The following DNAH9 variants were observed in gnomAD, a reference collection of about 807,000 sequenced individuals.
DNAH9 encodes dynein axonemal heavy chain 9.
In DNAH9, 345 loss-of-function variants were observed where a neutral mutation model predicts 471.6. That is an observed-to-expected ratio of 0.73 (90% CI 0.67 to 0.80). The LOEUF is 0.80. DNAH9 is among the 30% of genes least tolerant of loss of function. DNAH9 has a pLI of 0.00. For synonymous variants in DNAH9, 2,093 were observed against 2,123.6 expected (o/e 0.99, Z 0.40); for missense variants, 5,407 against 5,609.2 (o/e 0.96, Z 1.15).
At chr17:11,900,774 G>A (rs1458931460) in intron 59 of DNAH9, among the ~76,000 whole-genome samples, 2 of 152,186 alleles carry the variant, frequency 1.3e-5, no homozygotes, top group Non-Finnish European at 2.9e-5. Context: ...AAAAACTCAT[G>A]GCACTGTGGT....
intron 48 of DNAH9, among the ~76,000 whole-genome samples, chr17:11,827,411 A>G (rs1970535422): frequency 6.6e-6 from 1 of 152,220 alleles, no homozygotes; most frequent in Non-Finnish European, 1.5e-5. Context: ...AGGACCAAGT[A>G]TCTCACATGG....
intron 65 of DNAH9, among the ~76,000 whole-genome samples, chr17:11,935,390 T>TTTG (rs1974673428): frequency 6.7e-6 from 1 of 148,326 alleles, no homozygotes; most frequent in Non-Finnish European, 1.5e-5. Flanking sequence ...TTTTTTTTTT[T>TTTG]TATAAGACGG....
At chr17:11,951,939 A>T (rs1405485941) in intron 67 of DNAH9, among the ~76,000 whole-genome samples, 2 of 151,428 alleles carry the variant, frequency 1.3e-5, no homozygotes, top group African/African-American at 4.9e-5. Context: ...AAAAAAAAAA[A>T]TTAATTAAAA....
chr17:11,688,791 T>A (rs912280393), intron 19 of DNAH9, among the ~76,000 whole-genome samples: 3 of 152,082 alleles, frequency 2.0e-5, no homozygotes, highest in Non-Finnish European at 2.9e-5. Flanking sequence ...GAGTCCCAGC[T>A]CTCCCACTTA....
intron 43 of DNAH9, among the ~76,000 whole-genome samples, chr17:11,804,893 C>A (rs959029324): frequency 3.3e-5 from 5 of 149,628 alleles, no homozygotes; most frequent in African/African-American, 4.9e-5. Flanking sequence ...AAAAAAAGTT[C>A]TTTGGGGGCC....
At chr17:11,915,198 A>G (rs1342327236) in intron 61 of DNAH9, among the ~76,000 whole-genome samples, 9 of 152,104 alleles carry the variant, frequency 5.9e-5, no homozygotes, top group Admixed American at 5.2e-4. Flanking sequence ...TAAATCTCAA[A>G]TGTGATTGTA....
At chr17:11,874,789 C>A in intron 52 of DNAH9, 160 bp from the exon 53 acceptor site, 1 of 604,654 alleles carries the variant, frequency 1.7e-6, no homozygotes. Flanking sequence ...TTTAATAGAA[C>A]CTGCTTCCAG....
intron 26 of DNAH9, 103 bp from the exon 27 acceptor site, chr17:11,719,231 C>A: frequency 8.2e-7 from 1 of 1,217,402 alleles, no homozygotes; most frequent in Non-Finnish European, 1.2e-6. Context: ...GGGCTCTTGG[C>A]TTTCTTTTCA....
At chr17:11,618,623 G>A (rs2072794146) in intron 5 of DNAH9, among the ~76,000 whole-genome samples, 1 of 150,494 alleles carries the variant, frequency 6.6e-6, no homozygotes, top group African/African-American at 2.4e-5. Context: ...AAGGAGGTTT[G>A]GGTGATCTCT....
At chr17:11,676,348 T>A (rs2074050528) in intron 17 of DNAH9, among the ~76,000 whole-genome samples, 1 of 144,412 alleles carries the variant, frequency 6.9e-6, no homozygotes. Flanking sequence ...AATGGCACGA[T>A]CTCGGCTCAC....
In DNAH9 at chr17:11,969,482, A is replaced by G. The variant is rs1208463404; in HGVS notation, c.13416A>G (p.Pro4472=). 6.2e-7 allele frequency: 1 copy of G among 1,613,670 alleles called. No homozygotes were observed. Among genetic ancestry groups the G allele is most frequent in the Non-Finnish European group, 8.5e-7 (1 of 1,179,914 alleles). The change falls in exon 69 of 69, where the codon CCA becomes CCG. Residue 4472 remains proline, a synonymous_variant. Coordinates refer to ENST00000262442, the MANE Select transcript of DNAH9 (RefSeq NM_001372.4). ...WTFNLKTKEN[P]SKWVLAGVAL... The stretch of plus-strand genomic sequence containing the variant: ...TCAACCTGAAGACTAAGGAAAACCC[A>G]TCCAAGTGGGTTCTGGCTGGAGTAG...
At chr17:11,865,151 C>G (rs1971997652) in intron 50 of DNAH9, among the ~76,000 whole-genome samples, 1 of 152,162 alleles carries the variant, frequency 6.6e-6, no homozygotes, top group Non-Finnish European at 1.5e-5. Flanking sequence ...GATTTTGCAG[C>G]AGCTGGTACC....
intron 50 of DNAH9, among the ~76,000 whole-genome samples, chr17:11,864,594 G>T (rs1411417224): frequency 6.6e-6 from 1 of 152,014 alleles, no homozygotes; most frequent in Non-Finnish European, 1.5e-5. Flanking sequence ...TTTCTGTCTC[G>T]CTGATCTGTC....
At chr17:11,783,609 T>C (rs1207420469) in intron 39 of DNAH9, 37 bp from the exon 40 acceptor site, 2 of 1,558,544 alleles carry the variant, frequency 1.3e-6, no homozygotes, top group South Asian at 2.2e-5. Context: ...GCCTCAGTCC[T>C]CAGACACCTT....
At chr17:11,668,940 G>T (rs570774782) in intron 15 of DNAH9, 124 bp from the exon 16 acceptor site, 2 of 690,548 alleles carry the variant, frequency 2.9e-6, no homozygotes, top group Admixed American at 2.8e-5. Context: ...TTACATTTCC[G>T]TTTCCCTACA....
rs189213617 is a variant in DNAH9, at chr17:11,686,493, G to A, written c.3744-3073G>A. Among the ~76,000 whole-genome samples, 11 of 152,110 alleles carry A rather than the reference G, an allele frequency of 7.2e-5. No homozygotes were observed. In the East Asian group the frequency reaches 1.9e-3, roughly 27 times the overall value. On this transcript the variant is annotated intron_variant, in intron 19 of 68. Coordinates refer to ENST00000262442, the MANE Select transcript of DNAH9 (RefSeq NM_001372.4). ...GGATGGCTTCCAGCTTTTTAGGCAC[G>A]TGGACGAGGTCTATGAATATCCTGA...
chr17:11,810,616 A>T (rs1202024985), intron 45 of DNAH9, among the ~76,000 whole-genome samples: 1 of 152,154 alleles, frequency 6.6e-6, no homozygotes, highest in Non-Finnish European at 1.5e-5. Context: ...GTGGGACTAG[A>T]CCTGATGATG....
chr17:11,915,394 C>T (rs930336990), intron 61 of DNAH9, among the ~76,000 whole-genome samples: 1 of 152,002 alleles, frequency 6.6e-6, no homozygotes, highest in East Asian at 1.9e-4. Flanking sequence ...CATGGTGGCA[C>T]GCACCTGTAG....
At chr17:11,727,109 T>C (rs2075168418) in intron 27 of DNAH9, among the ~76,000 whole-genome samples, 1 of 150,924 alleles carries the variant, frequency 6.6e-6, no homozygotes, top group Non-Finnish European at 1.5e-5. Context: ...ACTTTTCCAT[T>C]ATTTGCATTT....
Sources: allele counts gnomAD v4.1 joint callset (sites outside exome capture counted in the v4.1 genomes callset), GRCh38; gene constraint gnomAD v4.1.1; transcripts MANE v1.5; gene names NCBI Gene and HGNC (gene_info 2026-07-23, HGNC 2026-07-21).